Variants in DIP2B observed in about 807,000 individuals in gnomAD.
The protein encoded by DIP2B is DIP2 acetate--CoA ligase B (putative), also known as disco-interacting protein 2 homolog B.
Under a neutral mutation model 198.0 loss-of-function variants are expected in DIP2B, and 76 were observed. The ratio of observed to expected loss-of-function variants is 0.38; its 90% CI spans 0.32 to 0.46. The LOEUF (loss-of-function observed/expected upper bound fraction) is 0.46. Among genes scored for constraint, DIP2B ranks in the 20% least tolerant of loss-of-function variants. The pLI, the probability that DIP2B is intolerant of heterozygous loss-of-function variation, is 0.99. For synonymous variants in DIP2B, 701 were observed against 739.1 expected (o/e 0.95, Z 0.84); for missense variants, 1,559 against 1,978.4 (o/e 0.79, Z 4.02).
Position 50,719,004 on chromosome 12 carries a change from A to C in DIP2B, c.3011A>C (p.Asp1004Ala), listed in dbSNP as rs750694135. ...CAGTGGCGAGCCCAGGCGACTCCTG[A>C]CCATGTACTCTTCATGCTGTTAAAT... ...ILQWRAQATP[D>A]HVLFMLLNAK... The change falls in exon 25 of 38, where the codon GAC becomes GCC. Residue 1004 changes from aspartate to alanine, a missense_variant. Transcript: ENST00000301180. 6.2e-7 allele frequency: 1 copy of C among 1,614,176 alleles called. No individual in the cohort carries two copies. The highest frequency in any genetic ancestry group is 1.1e-5 in the South Asian group (1 of 91,092).
chr12:50,635,919 A>G (rs1201110324), intron 2 of DIP2B, among the ~76,000 whole-genome samples: 1 of 152,188 alleles, frequency 6.6e-6, no homozygotes, highest in Non-Finnish European at 1.5e-5. Flanking sequence ...GAGACAGACA[A>G]GATCTTAATT....
intron 37 of DIP2B, 93 bp downstream of exon 37, chr12:50,741,632 C>T: frequency 6.8e-7 from 1 of 1,464,146 alleles, no homozygotes; most frequent in Non-Finnish European, 9.2e-7. Context: ...CACATACCTA[C>T]CTTGAAACAT....
chr12:50,705,717 GGCT>G (rs1939501885), intron 20 of DIP2B, among the ~76,000 whole-genome samples: 1 of 152,210 alleles, frequency 6.6e-6, no homozygotes, highest in African/African-American at 2.4e-5. Flanking sequence ...TGTTGGAAAT[GGCT>G]GCTTTTTTCC....
At chr12:50,709,994 A>G (rs1362010124) in intron 22 of DIP2B, among the ~76,000 whole-genome samples, 1 of 152,160 alleles carries the variant, frequency 6.6e-6, no homozygotes, top group East Asian at 1.9e-4. Context: ...AAAATAAAAG[A>G]TTGTAAGAAT....
At chr12:50,704,863 C>T (rs1939485766) in intron 20 of DIP2B, among the ~76,000 whole-genome samples, 1 of 151,974 alleles carries the variant, frequency 6.6e-6, no homozygotes, top group African/African-American at 2.4e-5. Context: ...ACTTGGGAGG[C>T]TGAGGCAGGA....
intron 1 of DIP2B, among the ~76,000 whole-genome samples, chr12:50,608,487 G>A (rs1027085577): frequency 7.9e-5 from 12 of 151,878 alleles, no homozygotes; most frequent in African/African-American, 2.4e-4. Flanking sequence ...CTGGGTCCAC[G>A]TGGTGGTGCG....
chr12:50,667,912 G>C (rs1364073751), intron 4 of DIP2B, among the ~76,000 whole-genome samples: 2 of 152,106 alleles, frequency 1.3e-5, no homozygotes, highest in Non-Finnish European at 1.5e-5. Context: ...CTTTGTTCAT[G>C]GTCTCCCAGC....
In DIP2B at chr12:50,505,192, C is replaced by T. The variant is rs1326109803; in HGVS notation, c.52C>T (p.Pro18Ser). The T allele has an allele frequency of 3.9e-6, 6 of 1,524,550 alleles. No homozygotes were observed. The East Asian group carries it at 1.3e-4, about 32-fold the overall frequency. The allele number at this position is 1,524,550 out of a possible 1,614,324, so 94.4% of individuals were successfully genotyped here. The change falls in exon 1 of 38, where the codon CCT becomes TCT. Residue 18 changes from proline to serine, a missense_variant. Pro to Ser is a moderately conservative substitution (Grantham distance 74). Coordinates refer to ENST00000301180, the MANE Select transcript of DIP2B (RefSeq NM_173602.3). ...PSPAAVAALP[P>S]EVRAQLAELE... ...GCCGGCCGCGGTGGCGGCGCTGCCG[C>T]CTGAAGTGCGGGCGCAGCTGGCGGA...
At chr12:50,669,557 T>C (rs1938813845) in intron 4 of DIP2B, among the ~76,000 whole-genome samples, 1 of 152,186 alleles carries the variant, frequency 6.6e-6, no homozygotes, top group Admixed American at 6.6e-5. Flanking sequence ...CCCGAGTAGC[T>C]GGAATTACAG....
At chr12:50,696,880 A>G (rs1258017036) in intron 16 of DIP2B, among the ~76,000 whole-genome samples, 181 bp from the exon 17 acceptor site, 1 of 152,204 alleles carries the variant, frequency 6.6e-6, no homozygotes, top group Admixed American at 6.5e-5. Flanking sequence ...ATGAGCATTA[A>G]TTTGTCCTTG....
chr12:50,720,190 A>C (rs1361803809), intron 25 of DIP2B, among the ~76,000 whole-genome samples: 1 of 151,972 alleles, frequency 6.6e-6, no homozygotes, highest in Non-Finnish European at 1.5e-5. Flanking sequence ...GGCCTCCCAA[A>C]GTGCTAGGAT....
intron 14 of DIP2B, among the ~76,000 whole-genome samples, chr12:50,695,002 C>T (rs761190641): frequency 3.9e-5 from 6 of 151,912 alleles, no homozygotes; most frequent in Non-Finnish European, 5.9e-5. Context: ...GAACAAATAT[C>T]TATGAAAATG....
intron 25 of DIP2B, among the ~76,000 whole-genome samples, chr12:50,720,530 T>C (rs1346700500): frequency 1.3e-5 from 2 of 152,186 alleles, no homozygotes; most frequent in Non-Finnish European, 1.5e-5. Context: ...CCATTACTTT[T>C]ATGACAGAAA....
intron 2 of DIP2B, among the ~76,000 whole-genome samples, chr12:50,637,336 C>G (rs758841271): frequency 1.3e-5 from 2 of 152,204 alleles, no homozygotes; most frequent in Non-Finnish European, 2.9e-5. Context: ...CTTTTCTAGT[C>G]CAGTCTCATT....
At chr12:50,593,047 A>G (rs1232096044) in intron 1 of DIP2B, among the ~76,000 whole-genome samples, 2 of 152,194 alleles carry the variant, frequency 1.3e-5, no homozygotes, top group African/African-American at 4.8e-5. Context: ...ACACAAGGCA[A>G]CCAAATTTCA....
In DIP2B at chr12:50,619,425, A is replaced by T. The variant is rs535730778; in HGVS notation, c.101-6551A>T. On this transcript the variant is annotated intron_variant, in intron 1 of 37. Transcript: ENST00000301180. ...GACTGTATCGTTAGGAATTTATATC[A>T]CCTTTCTGATAAGAGAATGAAAAGC... is the stretch of plus-strand genomic sequence containing the variant. Among the ~76,000 whole-genome samples the T allele has an allele frequency of 9.0e-4, 137 of 152,198 alleles. 3 individuals are homozygous for T. The highest frequency in any genetic ancestry group is 6.8e-3 in the Middle Eastern group (2 of 294).
intron 1 of DIP2B, among the ~76,000 whole-genome samples, chr12:50,625,568 G>T (rs1172514576): frequency 6.6e-6 from 1 of 152,102 alleles, no homozygotes; most frequent in Admixed American, 6.6e-5. Flanking sequence ...TATGTGGTTC[G>T]TATAGCAGTA....
At position 50,732,483 on chromosome 12, in the gene DIP2B, C is replaced by A. The variant is rs767138887; in HGVS notation, c.3928C>A (p.Arg1310=). ...CTTCAAAGACATCGGGCTGTCCCCG[C>A]GGGCTGTCAGCACCACTTTTGGATC... ...KLFKDIGLSP[R]AVSTTFGSRV... The change falls in exon 32 of 38, where the codon CGG becomes AGG. Residue 1310 remains arginine, a synonymous_variant. Coordinates refer to ENST00000301180, the MANE Select transcript of DIP2B (RefSeq NM_173602.3). The A allele has an allele frequency of 4.3e-6, 7 of 1,614,232 alleles. No individual in the cohort carries two copies. Among genetic ancestry groups the A allele is most frequent in the Non-Finnish European group, 5.9e-6 (7 of 1,180,042 alleles).
intron 1 of DIP2B, among the ~76,000 whole-genome samples, chr12:50,554,590 GT>G (rs1958453450): frequency 6.6e-6 from 1 of 152,148 alleles, no homozygotes; most frequent in African/African-American, 2.4e-5. Flanking sequence ...AGATGGATTG[GT>G]CACTGGGTGC....
Sources: gnomAD v4.1 joint callset for allele counts (sites outside exome capture counted in the v4.1 genomes callset) on GRCh38, gnomAD v4.1.1 for gene constraint, MANE v1.5 for transcripts, NCBI Gene and HGNC (gene_info 2026-07-23, HGNC 2026-07-21) for gene names.